The following SLC39A10 variants were observed in gnomAD, a reference collection of about 807,000 sequenced individuals.
SLC39A10 encodes the protein zinc transporter ZIP10.
A neutral mutation model predicts 65.1 loss-of-function variants in SLC39A10; 13 were observed. The ratio of observed to expected loss-of-function variants is 0.20; its 90% CI spans 0.13 to 0.32. The LOEUF is 0.32. Among genes scored for constraint, SLC39A10 ranks in the 10% least tolerant of loss-of-function variants. SLC39A10 has a pLI of 1.00. For synonymous variants in SLC39A10, 321 were observed against 342.2 expected (o/e 0.94, Z 0.68); for missense variants, 831 against 1,018.4 (o/e 0.82, Z 2.50).
At chr2:195,641,554 A>T (rs1688811387) in intron 2 of SLC39A10, among the ~76,000 whole-genome samples, 1 of 152,140 alleles carries the variant, frequency 6.6e-6, no homozygotes, top group Non-Finnish European at 1.5e-5. Context: ...GACTTTTTAT[A>T]TTCTTTGTAC....
Position 195,716,871 on chromosome 2 carries a change from A to G in SLC39A10, c.1931A>G (p.His644Arg), listed in dbSNP as rs1691833368. The G allele has an allele frequency of 1.2e-6, 2 of 1,614,082 alleles. No homozygotes were observed. Among genetic ancestry groups the G allele is most frequent in the South Asian group, 2.2e-5 (2 of 91,082 alleles). Residue 644 changes from histidine (H) to arginine (R), a missense_variant, in exon 7 of 10, where the codon CAC (histidine) becomes CGC (arginine). Transcript: ENST00000359634. ...CTGAGGAAGCATAATCACCAGTGGC[A>G]CCACAAGCATTCTCATCATTCCCAT... ...TVLRKHNHQW[H>R]HKHSHHSHGP...
intron 3 of SLC39A10, among the ~76,000 whole-genome samples, chr2:195,697,292 G>A (rs1391004849): frequency 6.6e-6 from 1 of 152,164 alleles, no homozygotes; most frequent in Admixed American, 6.5e-5. Context: ...TTTGGTGTCT[G>A]TAGGGGGGTA....
chr2:195,656,235 TTAAG>T (rs1210947041), upstream of SLC39A10, among the ~76,000 whole-genome samples: 5 of 152,042 alleles, frequency 3.3e-5, no homozygotes, highest in African/African-American at 1.2e-4. Flanking sequence ...AACATGTGGA[TTAAG>T]TAAGAGCCAG....
intron 2 of SLC39A10, among the ~76,000 whole-genome samples, chr2:195,617,050 G>T (rs1237946860): frequency 6.6e-6 from 1 of 152,108 alleles, no homozygotes; most frequent in Non-Finnish European, 1.5e-5. Flanking sequence ...TTTACATTAT[G>T]ATTTCAGGAT....
chr2:195,714,046 C>G (rs1478212753), intron 6 of SLC39A10, among the ~76,000 whole-genome samples: 2 of 152,112 alleles, frequency 1.3e-5, no homozygotes. Flanking sequence ...CCTGCCTCAG[C>G]CTCCCCAGTA....
At chr2:195,730,922 A>G (rs1365877104) in intron 9 of SLC39A10, among the ~76,000 whole-genome samples, 1 of 152,312 alleles carries the variant, frequency 6.6e-6, no homozygotes, top group Admixed American at 6.5e-5. Context: ...CTTGTTTGCC[A>G]GAAAGTCCTG....
At chr2:195,644,490 C>T (rs1225205055) in intron 2 of SLC39A10, among the ~76,000 whole-genome samples, 2 of 151,640 alleles carry the variant, frequency 1.3e-5, no homozygotes, top group Admixed American at 6.6e-5. Flanking sequence ...TACAGGCATG[C>T]ACCACCACAC....
intron 1 of SLC39A10, 58 bp from the exon 2 acceptor site, chr2:195,679,974 T>G: frequency 7.2e-7 from 1 of 1,381,294 alleles, no homozygotes; most frequent in East Asian, 2.4e-5. Flanking sequence ...AGAATTAGAT[T>G]GTTTTGAATG....
intron 2 of SLC39A10, among the ~76,000 whole-genome samples, chr2:195,622,958 C>T (rs1444019225): frequency 1.7e-5 from 2 of 120,960 alleles, no homozygotes; most frequent in African/African-American, 3.3e-5. Context: ...GGTGACAGAG[C>T]GAGACTCCTG....
intron 5 of SLC39A10, 91 bp from the exon 6 acceptor site, chr2:195,713,342 T>C: frequency 9.6e-7 from 1 of 1,037,766 alleles, no homozygotes; most frequent in Non-Finnish European, 1.3e-6. Context: ...AACACCATTT[T>C]TACCTGTAGG....
chr2:195,639,079 C>T (rs550682831), intron 2 of SLC39A10, among the ~76,000 whole-genome samples: 37 of 152,142 alleles, frequency 2.4e-4, no homozygotes, highest in African/African-American at 8.2e-4. Flanking sequence ...CCTCTGCCTC[C>T]TATGTAGCTG....
intron 2 of SLC39A10, among the ~76,000 whole-genome samples, chr2:195,616,312 T>TTGA (rs1454253636): frequency 1.3e-5 from 2 of 151,548 alleles, no homozygotes; most frequent in African/African-American, 4.9e-5. Flanking sequence ...GATTGATTGA[T>TTGA]TGATTGATTT....
chr2:195,696,923 A>C (rs1338551026), intron 3 of SLC39A10, among the ~76,000 whole-genome samples: 6 of 152,202 alleles, frequency 3.9e-5, no homozygotes, highest in Admixed American at 3.3e-4. Context: ...AAAAGGGCCA[A>C]GCAGGTGACT....
intron 1 of SLC39A10, among the ~76,000 whole-genome samples, chr2:195,657,857 G>C (rs1467364013): frequency 6.6e-6 from 1 of 152,182 alleles, no homozygotes; most frequent in Non-Finnish European, 1.5e-5. Context: ...CGCTGTTCCG[G>C]ACCGAGGCTA....
chr2:195,698,611 T>C (rs749371644), intron 3 of SLC39A10, among the ~76,000 whole-genome samples: 5 of 152,006 alleles, frequency 3.3e-5, no homozygotes, highest in South Asian at 2.1e-4. Context: ...TTAATACATA[T>C]GGATTTTTAT....
chr2:195,686,572 A>G (rs932061829), intron 3 of SLC39A10, among the ~76,000 whole-genome samples: 11 of 152,252 alleles, frequency 7.2e-5, no homozygotes, highest in African/African-American at 2.4e-4. Flanking sequence ...ACAAAAACCT[A>G]TGTTTATTGG....
rs202193660 is a variant in SLC39A10, at chr2:195,632,290, C to CTTTTTTTTT, written c.-12+26076_-12+26084dup. ...AGGTCACCAGCTCTCATTCTACTTC[C>CTTTTTTTTT]TTTTTTTTTTTTTTTTTTTTTTTTT... On this transcript the variant is annotated intron_variant, in intron 2 of 2. Transcript: ENST00000458054. 2.7e-3 allele frequency among the ~76,000 whole-genome samples: 185 copies of CTTTTTTTTT among 69,246 alleles called. 35 individuals carry two copies. Among genetic ancestry groups the CTTTTTTTTT allele is most frequent in the African/African-American group, 0.011 (170 of 15,964 alleles). The allele number at this position is 69,246 out of a possible 152,430, so 45.4% of individuals were successfully genotyped here.
At chr2:195,709,616 T>C (rs1691538122) in intron 5 of SLC39A10, among the ~76,000 whole-genome samples, 1 of 152,086 alleles carries the variant, frequency 6.6e-6, no homozygotes, top group East Asian at 1.9e-4. Context: ...GTTCAAGTGA[T>C]CCTCTCACCT....
chr2:195,688,699 G>T (rs1690615670), intron 3 of SLC39A10, among the ~76,000 whole-genome samples: 1 of 152,178 alleles, frequency 6.6e-6, no homozygotes, highest in South Asian at 2.1e-4. Flanking sequence ...TGATTTATCT[G>T]AAAAGGGAAA....
Sources: allele counts gnomAD v4.1 joint callset (sites outside exome capture counted in the v4.1 genomes callset), GRCh38; gene constraint gnomAD v4.1.1; transcripts MANE v1.5; gene names NCBI Gene and HGNC (gene_info 2026-07-23, HGNC 2026-07-21).